The following ZNRF1 variants were observed in gnomAD, a reference collection of about 807,000 sequenced individuals.
The protein encoded by ZNRF1 is E3 ubiquitin-protein ligase ZNRF1.
ZNRF1 carries 3 observed loss-of-function variants against 18.4 expected under a neutral mutation model. The ratio of observed to expected loss-of-function variants is 0.16; its 90% CI spans 0.07 to 0.42. The LOEUF is 0.42. Among genes scored for constraint, ZNRF1 ranks in the 10% least tolerant of loss-of-function variants. ZNRF1 has a pLI of 0.99. For synonymous variants in ZNRF1, 157 were observed against 144.2 expected (o/e 1.09, Z -0.64); for missense variants, 310 against 329.8 (o/e 0.94, Z 0.47).
chr16:75,031,276 C>A (rs908610871), intron 1 of ZNRF1, among the ~76,000 whole-genome samples: 1 of 151,516 alleles, frequency 6.6e-6, no homozygotes, highest in African/African-American at 2.4e-5. Context: ...GGATTACAGG[C>A]GTGCACCACC....
At chr16:75,023,790 ATGG>A (rs2145339455) in intron 1 of ZNRF1, among the ~76,000 whole-genome samples, 1 of 152,056 alleles carries the variant, frequency 6.6e-6, no homozygotes, top group Non-Finnish European at 1.5e-5. Flanking sequence ...TTCTTTGGCC[ATGG>A]CTGACACTGT....
intron 1 of ZNRF1, among the ~76,000 whole-genome samples, chr16:75,019,069 G>A (rs898094086): frequency 5.3e-5 from 8 of 152,168 alleles, no homozygotes; most frequent in African/African-American, 1.9e-4. Flanking sequence ...AGGAGGTTGA[G>A]GCAGGATGAC....
intron 1 of ZNRF1, among the ~76,000 whole-genome samples, chr16:75,006,487 G>A (rs760972784): frequency 7.2e-5 from 11 of 152,188 alleles, no homozygotes; most frequent in Non-Finnish European, 7.3e-5. Context: ...CCAGGCTGGA[G>A]TGCAGTGGCA....
At chr16:75,032,590 A>G (rs1041619725) in intron 1 of ZNRF1, among the ~76,000 whole-genome samples, 17 of 152,170 alleles carry the variant, frequency 1.1e-4, no homozygotes, top group African/African-American at 3.9e-4. Flanking sequence ...TGCAGAGGAT[A>G]CTATCTAGAA....
intron 1 of ZNRF1, among the ~76,000 whole-genome samples, chr16:75,031,359 C>T (rs766563740): frequency 3.3e-5 from 5 of 151,044 alleles, no homozygotes; most frequent in Admixed American, 6.6e-5. Context: ...CTCTATCTCC[C>T]GACCTCGTGA....
intron 1 of ZNRF1, among the ~76,000 whole-genome samples, chr16:75,052,549 T>C (rs368667428): frequency 2.6e-5 from 4 of 152,124 alleles, no homozygotes; most frequent in African/African-American, 7.2e-5. Flanking sequence ...ATAAAGAAGC[T>C]TGGGGATGTG....
At chr16:75,080,991 G>C (rs183826161) in intron 1 of ZNRF1, among the ~76,000 whole-genome samples, 97 of 152,292 alleles carry the variant, frequency 6.4e-4, no homozygotes, top group Middle Eastern at 6.8e-3. Flanking sequence ...GGCCAATATG[G>C]TGAAACTCCC....
intron 1 of ZNRF1, among the ~76,000 whole-genome samples, chr16:75,036,276 T>C (rs2035374828): frequency 6.6e-6 from 1 of 152,152 alleles, no homozygotes; most frequent in Non-Finnish European, 1.5e-5. Context: ...TCTCCCTATG[T>C]TGCCTAGCAT....
chr16:75,026,157 C>G (rs914943764), intron 1 of ZNRF1, among the ~76,000 whole-genome samples: 2 of 152,104 alleles, frequency 1.3e-5, no homozygotes, highest in African/African-American at 4.8e-5. Context: ...ATCAAATGAC[C>G]AATAACTAAG....
chr16:75,104,750 A>T (rs1194814085), intron 2 of ZNRF1, 34 bp from the exon 3 acceptor site: 1 of 1,558,850 alleles, frequency 6.4e-7, no homozygotes, highest in Admixed American at 1.9e-5. Flanking sequence ...ACTGGTGACT[A>T]ACCCTCCTGC....
At chr16:75,051,212 A>ATT (rs897514004) in intron 1 of ZNRF1, among the ~76,000 whole-genome samples, 1 of 145,168 alleles carries the variant, frequency 6.9e-6, no homozygotes, top group Non-Finnish European at 1.5e-5. Flanking sequence ...AAATACATCT[A>ATT]TTTTTTTTTT....
At chr16:75,070,379 T>C (rs2035855814) in intron 1 of ZNRF1, among the ~76,000 whole-genome samples, 1 of 152,164 alleles carries the variant, frequency 6.6e-6, no homozygotes, top group Non-Finnish European at 1.5e-5. Context: ...AAAGTAATAT[T>C]TCTGAAATAT....
At chr16:75,007,020 C>T (rs1567463340) in intron 1 of ZNRF1, among the ~76,000 whole-genome samples, 1 of 151,568 alleles carries the variant, frequency 6.6e-6, no homozygotes, top group Admixed American at 6.6e-5. Context: ...GAAGACCAGC[C>T]CTCAAGTGTG....
chr16:75,079,869 G>A (rs752117874), intron 1 of ZNRF1, among the ~76,000 whole-genome samples: 4 of 152,170 alleles, frequency 2.6e-5, no homozygotes, highest in Non-Finnish European at 4.4e-5. Flanking sequence ...GTGTAGCTGC[G>A]TGCCAGGACC....
chr16:75,032,230 C>G (rs931557464), intron 1 of ZNRF1, among the ~76,000 whole-genome samples: 1 of 151,324 alleles, frequency 6.6e-6, no homozygotes, highest in South Asian at 2.1e-4. Flanking sequence ...TCGCCTTAGC[C>G]TCCTGAGTAG....
chr16:75,063,565 T>C (rs956371086), intron 1 of ZNRF1, among the ~76,000 whole-genome samples: 12 of 152,236 alleles, frequency 7.9e-5, no homozygotes, highest in African/African-American at 2.7e-4. Flanking sequence ...TTTTTAATTT[T>C]AGCCTAAAGA....
chr16:75,079,848 G>C (rs2035988369), intron 1 of ZNRF1, among the ~76,000 whole-genome samples: 2 of 152,222 alleles, frequency 1.3e-5, no homozygotes, highest in African/African-American at 4.8e-5. Flanking sequence ...AAGGCAGGAA[G>C]GTAGCCTGTA....
At chr16:75,027,931 C>T (rs1362191935) in intron 1 of ZNRF1, among the ~76,000 whole-genome samples, 1 of 152,206 alleles carries the variant, frequency 6.6e-6, no homozygotes, top group Non-Finnish European at 1.5e-5. Flanking sequence ...AAACACCTTT[C>T]TTAGCCTTTG....
chr16:75,064,440 C>A (rs2035778380), intron 1 of ZNRF1, among the ~76,000 whole-genome samples: 1 of 151,864 alleles, frequency 6.6e-6, no homozygotes, highest in Admixed American at 6.6e-5. Context: ...CCTGTAATCC[C>A]AGCTACTCAG....
Sources: gnomAD v4.1 joint callset for allele counts (sites outside exome capture counted in the v4.1 genomes callset) on GRCh38, gnomAD v4.1.1 for gene constraint, MANE v1.5 for transcripts, NCBI Gene and HGNC (gene_info 2026-07-23, HGNC 2026-07-21) for gene names.